Variants in UBE2Q2 observed in about 807,000 individuals in gnomAD.
UBE2Q2 encodes ubiquitin conjugating enzyme E2 Q2.
In UBE2Q2, 54 loss-of-function variants were observed where a neutral mutation model predicts 59.9. That is an observed-to-expected ratio of 0.90 (90% CI 0.72 to 1.13). UBE2Q2 has a LOEUF of 1.13. Among genes scored for constraint, UBE2Q2 ranks in the 50% most tolerant of loss-of-function variants. The pLI, the probability that UBE2Q2 is intolerant of heterozygous loss-of-function variation, is 0.00. For synonymous variants in UBE2Q2, 165 were observed against 155.2 expected (o/e 1.06, Z -0.47); for missense variants, 433 against 441.9 (o/e 0.98, Z 0.18).
rs1317757367 is a variant in UBE2Q2, at chr15:75,890,853, G to A, written c.934-66G>A. 30 of 1,398,340 alleles carry A rather than the reference G, an allele frequency of 2.1e-5. No individual in the cohort carries two copies. In the Middle Eastern group the frequency reaches 1.3e-3, roughly 58 times the overall value. 86.6% of individuals were successfully genotyped at this position (1,398,340 alleles called of 1,614,324 possible). A position where few individuals can be genotyped will look rare whatever the true frequency, so the allele number is the denominator to read the frequency against. ...CTGCTGTTGAGTTATATACCATTTTGTTAGGCCTTCCCAAGTGGGAATCAG... is the reference window on the plus strand; with the variant it reads ...CTGCTGTTGAGTTATATACCATTTTATTAGGCCTTCCCAAGTGGGAATCAG... On this transcript the variant is annotated intron_variant, in intron 10 of 12. Transcript: ENST00000267938.
intron 9 of UBE2Q2, among the ~76,000 whole-genome samples, chr15:75,884,237 A>G (rs974888357): frequency 6.6e-6 from 1 of 152,236 alleles, no homozygotes; most frequent in Non-Finnish European, 1.5e-5. Context: ...TAATTCTATT[A>G]TGTGACATAA....
At chr15:75,896,529 T>G (rs1288288629) in intron 11 of UBE2Q2, among the ~76,000 whole-genome samples, 3 of 152,196 alleles carry the variant, frequency 2.0e-5, no homozygotes, top group South Asian at 4.1e-4. Context: ...ATTATGGGCA[T>G]TCTTTAGATT....
intron 8 of UBE2Q2, among the ~76,000 whole-genome samples, chr15:75,882,249 TC>T (rs1898473162): frequency 6.6e-6 from 1 of 152,194 alleles, no homozygotes; most frequent in South Asian, 2.1e-4. Context: ...CTTTCTGAGA[TC>T]CTTTATAGAG....
At position 75,899,538 on chromosome 15, in the gene UBE2Q2, C is replaced by T. The variant is rs1003392042; in HGVS notation, c.*80C>T. The stretch of plus-strand genomic sequence containing the variant: ...ACATGCAGACAAAAGCTTTGAGTGC[C>T]CCTATTACAGCAGTACCGAAGATGT... On this transcript the variant is annotated 3_prime_UTR_variant, in exon 13 of 13. Transcript: ENST00000267938. The T allele has an allele frequency of 1.4e-5, 17 of 1,178,658 alleles. No homozygotes were observed. Among genetic ancestry groups the T allele is most frequent in the Admixed American group, 2.0e-5 (1 of 50,762 alleles). The allele number at this position is 1,178,658 out of a possible 1,614,324, so 73.0% of individuals were successfully genotyped here.
chr15:75,876,977 C>T (rs542656890), intron 6 of UBE2Q2, among the ~76,000 whole-genome samples: 8 of 151,902 alleles, frequency 5.3e-5, no homozygotes, highest in South Asian at 2.1e-4. Flanking sequence ...GCCAACATGG[C>T]GAGCGAAGCC....
intron 11 of UBE2Q2, among the ~76,000 whole-genome samples, chr15:75,891,917 GCA>G (rs772757205): frequency 6.6e-6 from 1 of 152,148 alleles, no homozygotes; most frequent in Non-Finnish European, 1.5e-5. Context: ...AAATCCTGGA[GCA>G]CACAGTCTTT....
At chr15:75,860,463 A>G (rs1897154169) in intron 3 of UBE2Q2, among the ~76,000 whole-genome samples, 1 of 151,842 alleles carries the variant, frequency 6.6e-6, no homozygotes, top group Non-Finnish European at 1.5e-5. Context: ...TTTTTTTACT[A>G]TAATACATGA....
At chr15:75,850,608 A>T (rs1257363681) in intron 1 of UBE2Q2, among the ~76,000 whole-genome samples, 1 of 152,136 alleles carries the variant, frequency 6.6e-6, no homozygotes, top group African/African-American at 2.4e-5. Flanking sequence ...CAAGAGAGGG[A>T]GGAGGAAAGA....
chr15:75,898,391 T>TA (rs1409880768), intron 12 of UBE2Q2, among the ~76,000 whole-genome samples: 1 of 152,062 alleles, frequency 6.6e-6, no homozygotes, highest in African/African-American at 2.4e-5. Flanking sequence ...TTTGTTATTT[T>TA]AAAAAAATAG....
chr15:75,883,115 A>C (rs567586807), intron 8 of UBE2Q2, among the ~76,000 whole-genome samples: 1 of 152,242 alleles, frequency 6.6e-6, no homozygotes, highest in East Asian at 1.9e-4. Flanking sequence ...TCCTTTATAT[A>C]GTTCTAGTGA....
chr15:75,883,247 C>A, intron 8 of UBE2Q2, 119 bp from the exon 9 acceptor site: 1 of 944,398 alleles, frequency 1.1e-6, no homozygotes, highest in Non-Finnish European at 1.5e-6. Flanking sequence ...TTTTATGACT[C>A]TTACCCATTA....
chr15:75,870,147 A>C (rs1173000285), intron 4 of UBE2Q2, among the ~76,000 whole-genome samples: 2 of 152,134 alleles, frequency 1.3e-5, no homozygotes, highest in Admixed American at 1.3e-4. Flanking sequence ...GGCTCACTGC[A>C]ACCTCAAACT....
chr15:75,892,329 C>A (rs1899150060), intron 11 of UBE2Q2, among the ~76,000 whole-genome samples: 1 of 152,154 alleles, frequency 6.6e-6, no homozygotes, highest in Non-Finnish European at 1.5e-5. Context: ...GTCAACCCAA[C>A]ATATTTGAGA....
At chr15:75,869,553 C>T (rs1170611239) in intron 4 of UBE2Q2, among the ~76,000 whole-genome samples, 2 of 152,218 alleles carry the variant, frequency 1.3e-5, no homozygotes. Flanking sequence ...AAGATACCAA[C>T]ATTGGGTGTC....
chr15:75,843,989 C>G, intron 1 of UBE2Q2, 143 bp downstream of exon 1: 1 of 1,403,976 alleles, frequency 7.1e-7, no homozygotes, highest in Non-Finnish European at 9.2e-7. Flanking sequence ...CGCGACTTGC[C>G]CATCCCAGGC....
chr15:75,873,367 G>A lies in UBE2Q2; in HGVS notation c.448-61G>A. On this transcript the variant is annotated intron_variant, in intron 4 of 12. Transcript: ENST00000267938. Reference sequence around the variant, plus strand: ...TCAAGAATAATTTAATGTTATTTTGGCATAAGAAACTGCTGAAGAAAAATA... The same window carrying A: ...TCAAGAATAATTTAATGTTATTTTGACATAAGAAACTGCTGAAGAAAAATA... The A allele has an allele frequency of 2.7e-6, 4 of 1,473,546 alleles. No individual in the cohort carries two copies. In the South Asian group the frequency reaches 3.9e-5, roughly 14 times the overall value. 91.3% of individuals were successfully genotyped at this position (1,473,546 alleles called of 1,614,324 possible). A position where few individuals can be genotyped will look rare whatever the true frequency, so the allele number is the denominator to read the frequency against.
At chr15:75,844,518 C>A in intron 1 of UBE2Q2, 2 of 1,548,714 alleles carry the variant, frequency 1.3e-6, no homozygotes, top group Non-Finnish European at 1.7e-6. Context: ...GTGGCCCCTC[C>A]CTTGTGTGTA....
Position 75,899,816 on chromosome 15 carries a change from A to G in UBE2Q2, c.*358A>G, listed in dbSNP as rs1177931227. On this transcript the variant is annotated 3_prime_UTR_variant, in exon 13 of 13. Transcript: ENST00000267938. ...CTTTCCTATATTGAGCCCATGGGTT[A>G]CAAGGATTTGCAATATATTGTTCCA... 1 of 163,300 alleles carries G rather than the reference A, an allele frequency of 6.1e-6. No homozygotes were observed. Among genetic ancestry groups the G allele is most frequent in the Admixed American group, 6.4e-5 (1 of 15,554 alleles). 10.1% of individuals were successfully genotyped at this position (163,300 alleles called of 1,614,324 possible). A position where few individuals can be genotyped will look rare whatever the true frequency, so the allele number is the denominator to read the frequency against.
intron 9 of UBE2Q2, among the ~76,000 whole-genome samples, chr15:75,886,863 A>G (rs1232406107): frequency 2.0e-5 from 3 of 151,852 alleles, no homozygotes; most frequent in Admixed American, 6.6e-5. Context: ...AGTCCGTCTC[A>G]AATTTTTTTT....
Sources: allele counts gnomAD v4.1 joint callset (sites outside exome capture counted in the v4.1 genomes callset), GRCh38; gene constraint gnomAD v4.1.1; transcripts MANE v1.5; gene names NCBI Gene and HGNC (gene_info 2026-07-23, HGNC 2026-07-21).